Variants in DLGAP2 observed in about 807,000 individuals in gnomAD.
DLGAP2 encodes the protein disks large-associated protein 2.
A neutral mutation model predicts 100.3 loss-of-function variants in DLGAP2; 26 were observed. The ratio of observed to expected loss-of-function variants is 0.26; its 90% CI spans 0.19 to 0.36. The LOEUF is 0.36. DLGAP2 is among the 10% of genes least tolerant of loss of function. DLGAP2 has a pLI of 1.00. For missense variants in DLGAP2, 1,858 were observed against 1,453.2 expected (o/e 1.28, Z -4.53); for synonymous variants, 886 against 630.1 (o/e 1.41, Z -6.08).
intron 3 of DLGAP2, among the ~76,000 whole-genome samples, chr8:1,263,870 C>G (rs1347727030): frequency 1.3e-5 from 2 of 152,120 alleles, no homozygotes; most frequent in Admixed American, 1.3e-4. Flanking sequence ...ATGATCTTTT[C>G]TGATTGCTAT....
intron 2 of DLGAP2, among the ~76,000 whole-genome samples, chr8:1,164,441 A>G (rs11774885): frequency 0.88 from 128,909 of 146,328 alleles, 56,860 homozygotes; most frequent in African/African-American, 0.92. Flanking sequence ...CCCATGTGAA[A>G]GTCTGGAGGC....
At position 1,607,761 on chromosome 8, in the gene DLGAP2, G is replaced by A. The variant is rs543401416; in HGVS notation, c.1443-18979G>A. On this transcript the variant is annotated intron_variant, in intron 6 of 14. Transcript: ENST00000637795. Reference sequence around the variant, plus strand: ...AGGGGTCAGGGAGTTCCCTTTCTGAGTCAAAGAAAGGGGTGACGGACGCAC... The same window carrying A: ...AGGGGTCAGGGAGTTCCCTTTCTGAATCAAAGAAAGGGGTGACGGACGCAC... 4.4e-3 allele frequency among the ~76,000 whole-genome samples: 665 copies of A among 152,308 alleles called. 1 individual carries two copies. Among genetic ancestry groups the A allele is most frequent in the African/African-American group, 0.015 (631 of 41,552 alleles).
At chr8:1,139,201 C>T (rs62486836) in intron 2 of DLGAP2, among the ~76,000 whole-genome samples, 1 of 152,110 alleles carries the variant, frequency 6.6e-6, no homozygotes, top group East Asian at 1.9e-4. Flanking sequence ...GGGGTGTGCA[C>T]AGGGCGGGGG....
chr8:1,063,075 G>A (rs1389558380), intron 2 of DLGAP2, among the ~76,000 whole-genome samples: 1 of 152,192 alleles, frequency 6.6e-6, no homozygotes, highest in Admixed American at 6.5e-5. Flanking sequence ...TGTGGAAACG[G>A]CTTCCTTTGT....
chr8:1,466,375 C>T (rs1410458072), intron 3 of DLGAP2, among the ~76,000 whole-genome samples: 1 of 152,128 alleles, frequency 6.6e-6, no homozygotes, highest in African/African-American at 2.4e-5. Context: ...GACATTTCCC[C>T]CCTCCCTTTT....
chr8:1,053,332 G>C (rs113210250), intron 2 of DLGAP2, among the ~76,000 whole-genome samples: 12 of 152,008 alleles, frequency 7.9e-5, no homozygotes, highest in African/African-American at 2.9e-4. Context: ...TAAAGTTTGG[G>C]GGAACATAGA....
At chr8:976,652 G>A (rs1375098245) in intron 2 of DLGAP2, among the ~76,000 whole-genome samples, 1 of 152,074 alleles carries the variant, frequency 6.6e-6, no homozygotes, top group East Asian at 1.9e-4. Flanking sequence ...TGCAAATAGG[G>A]CCAACCAATC....
chr8:859,939 G>A (rs1425495269), intron 1 of DLGAP2, among the ~76,000 whole-genome samples: 1 of 152,084 alleles, frequency 6.6e-6, no homozygotes, highest in Non-Finnish European at 1.5e-5. Context: ...CAGTATTGAG[G>A]TGTTGCTGTT....
intron 2 of DLGAP2, among the ~76,000 whole-genome samples, chr8:1,157,307 T>TA (rs1028047694): frequency 6.6e-6 from 1 of 152,180 alleles, no homozygotes; most frequent in Non-Finnish European, 1.5e-5. Context: ...AGAGATGGCC[T>TA]GCTCAGCCAT....
intron 2 of DLGAP2, among the ~76,000 whole-genome samples, chr8:1,087,508 T>G (rs1475143416): frequency 6.6e-6 from 1 of 152,146 alleles, no homozygotes; most frequent in Admixed American, 6.5e-5. Context: ...ACATTTTGTT[T>G]AGTTGTCAGT....
intron 6 of DLGAP2, among the ~76,000 whole-genome samples, chr8:1,577,112 A>G (rs1389483448): frequency 6.6e-6 from 1 of 152,216 alleles, no homozygotes; most frequent in African/African-American, 2.4e-5. Context: ...AGTACTGCAC[A>G]TTTCAGTATC....
At chr8:803,083 G>C (rs373240459) in intron 1 of DLGAP2, among the ~76,000 whole-genome samples, 2 of 152,186 alleles carry the variant, frequency 1.3e-5, no homozygotes, top group African/African-American at 4.8e-5. Flanking sequence ...GGGCTTGGAC[G>C]CTGGTGGCGG....
At chr8:776,466 C>T (rs1056426702) in intron 1 of DLGAP2, among the ~76,000 whole-genome samples, 3 of 152,070 alleles carry the variant, frequency 2.0e-5, no homozygotes, top group Non-Finnish European at 2.9e-5. Context: ...TGGATCTTTC[C>T]TGCTTTCTCT....
intron 3 of DLGAP2, among the ~76,000 whole-genome samples, chr8:1,440,145 A>G (rs574708470): frequency 1.3e-5 from 2 of 152,286 alleles, no homozygotes; most frequent in South Asian, 4.1e-4. Context: ...AGAAGAAAAA[A>G]AGGAAGTCTG....
chr8:1,138,895 G>C (rs573606534), intron 2 of DLGAP2, among the ~76,000 whole-genome samples: 15 of 152,272 alleles, frequency 9.9e-5, no homozygotes, highest in African/African-American at 3.1e-4. Context: ...TGTGCGGCTG[G>C]TGGGAGACTC....
chr8:1,329,237 T>G (rs1348463406), intron 3 of DLGAP2, among the ~76,000 whole-genome samples: 1 of 152,252 alleles, frequency 6.6e-6, no homozygotes, highest in Non-Finnish European at 1.5e-5. Flanking sequence ...TTTAAAAGTA[T>G]CTTTAATTTC....
At chr8:967,542 G>C (rs1799901723) in intron 2 of DLGAP2, among the ~76,000 whole-genome samples, 1 of 151,580 alleles carries the variant, frequency 6.6e-6, no homozygotes, top group Non-Finnish European at 1.5e-5. Flanking sequence ...GTGAAACCTA[G>C]AATTCAATTC....
chr8:1,325,772 G>A (rs553833464), intron 3 of DLGAP2, among the ~76,000 whole-genome samples: 3 of 152,182 alleles, frequency 2.0e-5, no homozygotes, highest in East Asian at 3.8e-4. Flanking sequence ...TTCCTGAGAC[G>A]GGTGAAATGT....
chr8:1,063,914 G>C (rs1333853123), intron 2 of DLGAP2, among the ~76,000 whole-genome samples: 1 of 152,168 alleles, frequency 6.6e-6, no homozygotes, highest in African/African-American at 2.4e-5. Context: ...CTCCAGCTTG[G>C]TGAATCACAC....
Sources: gnomAD v4.1 joint callset for allele counts (sites outside exome capture counted in the v4.1 genomes callset) on GRCh38, gnomAD v4.1.1 for gene constraint, MANE v1.5 for transcripts, NCBI Gene and HGNC (gene_info 2026-07-23, HGNC 2026-07-21) for gene names.